Variants in KIAA1328 observed in about 807,000 individuals in gnomAD.
KIAA1328 encodes KIAA1328.
Under a neutral mutation model 68.1 loss-of-function variants are expected in KIAA1328, and 52 were observed. The observed-to-expected ratio is 0.76, with a 90% CI of 0.61 to 0.96. The LOEUF (loss-of-function observed/expected upper bound fraction) is 0.96, where lower values mean the gene tolerates loss of function less well. Among genes scored for constraint, KIAA1328 ranks in the 40% least tolerant of loss-of-function variants. The pLI is 0.00. For missense variants in KIAA1328, 641 were observed against 677.6 expected, an observed-to-expected ratio of 0.95 and a Z score of 0.60; for synonymous variants, 232 against 239.4, an observed-to-expected ratio of 0.97 and a Z score of 0.28.
chr18:36,951,694 C>T (rs1305273071), intron 5 of KIAA1328, among the ~76,000 whole-genome samples: 1 of 152,136 alleles, frequency 6.6e-6, no homozygotes, highest in African/African-American at 2.4e-5. Flanking sequence ...CTCCCCAGAT[C>T]TTTTCTTTAT....
chr18:36,841,284 A>G (rs1568062906), intron 3 of KIAA1328, among the ~76,000 whole-genome samples: 2 of 151,912 alleles, frequency 1.3e-5, no homozygotes, highest in Non-Finnish European at 2.9e-5. Context: ...TAAGCCTACT[A>G]TTCATCAGGA....
At chr18:36,909,980 G>T (rs1568151724) in intron 5 of KIAA1328, among the ~76,000 whole-genome samples, 1 of 151,790 alleles carries the variant, frequency 6.6e-6, no homozygotes. Flanking sequence ...TGATGGGGTT[G>T]TTTTTTTTGT....
intron 5 of KIAA1328, among the ~76,000 whole-genome samples, chr18:36,910,639 GTTTTTTCTAA>G (rs2049406707): frequency 6.6e-6 from 1 of 152,126 alleles, no homozygotes; most frequent in Non-Finnish European, 1.5e-5. Context: ...CTTTAAAGTA[GTTTTTTCTAA>G]TTCTGTGAAG....
chr18:36,998,219 C>T (rs2053465377), intron 6 of KIAA1328, among the ~76,000 whole-genome samples: 1 of 152,194 alleles, frequency 6.6e-6, no homozygotes, highest in Non-Finnish European at 1.5e-5. Context: ...CAGCCAAGCA[C>T]TGCTCCTAGA....
intron 7 of KIAA1328, among the ~76,000 whole-genome samples, chr18:37,131,547 A>G (rs886211561): frequency 1.2e-4 from 18 of 152,196 alleles, no homozygotes; most frequent in Non-Finnish European, 1.9e-4. Context: ...CGTCTACCCA[A>G]TAAACAACCC....
chr18:36,957,246 C>G (rs113354041), intron 5 of KIAA1328, among the ~76,000 whole-genome samples: 5 of 152,108 alleles, frequency 3.3e-5, no homozygotes, highest in Non-Finnish European at 4.4e-5. Context: ...ACTAATATTT[C>G]GACCCTTAAT....
chr18:37,126,926 G>A (rs1243618362), intron 7 of KIAA1328, among the ~76,000 whole-genome samples: 2 of 152,098 alleles, frequency 1.3e-5, no homozygotes, highest in African/African-American at 4.8e-5. Flanking sequence ...TAATAGAAGG[G>A]AACTTCCTCA....
At chr18:37,154,128 A>G (rs1476353126) in intron 7 of KIAA1328, among the ~76,000 whole-genome samples, 1 of 152,136 alleles carries the variant, frequency 6.6e-6, no homozygotes, top group Non-Finnish European at 1.5e-5. Context: ...TTTCAATCCT[A>G]TCTGAACATT....
chr18:36,832,519 G>A (rs1411544828), intron 1 of KIAA1328, among the ~76,000 whole-genome samples: 2 of 150,956 alleles, frequency 1.3e-5, no homozygotes, highest in Non-Finnish European at 3.0e-5. Flanking sequence ...CCTAGGAGGT[G>A]GAGGTTGCAG....
chr18:37,033,509 A>G lies in KIAA1328; in HGVS notation c.577-33381A>G, dbSNP rs567995425. 6.6e-5 allele frequency among the ~76,000 whole-genome samples: 10 copies of G among 152,320 alleles called. No homozygotes were observed. The South Asian group carries it at 2.1e-3, about 32-fold the overall frequency. ...GCTTAGCTCTTTCTGGTTTCTCAGT[A>G]AGATCGAGTGTCCTGGGATCAACCA... is the stretch of plus-strand genomic sequence containing the variant. On this transcript the variant is annotated intron_variant, in intron 6 of 9. Coordinates refer to ENST00000280020, the MANE Select transcript of KIAA1328 (RefSeq NM_020776.3).
chr18:36,945,638 A>G (rs541063225), intron 5 of KIAA1328, among the ~76,000 whole-genome samples: 57 of 152,346 alleles, frequency 3.7e-4, no homozygotes, highest in Non-Finnish European at 4.3e-4. Flanking sequence ...TTCATACTAC[A>G]TTACAGAGTA....
chr18:37,157,755 C>G (rs1229869662), intron 7 of KIAA1328, among the ~76,000 whole-genome samples: 1 of 126,670 alleles, frequency 7.9e-6, no homozygotes, highest in African/African-American at 3.0e-5. Context: ...TTGTGGTGAG[C>G]AAAGACTGCG....
intron 6 of KIAA1328, among the ~76,000 whole-genome samples, chr18:37,053,652 T>C (rs2055791657): frequency 6.6e-6 from 1 of 152,148 alleles, no homozygotes; most frequent in South Asian, 2.1e-4. Flanking sequence ...CAGTTCCACA[T>C]GGCTTGGTAG....
At chr18:37,118,588 A>C (rs1486263715) in intron 7 of KIAA1328, among the ~76,000 whole-genome samples, 1 of 152,184 alleles carries the variant, frequency 6.6e-6, no homozygotes, top group East Asian at 1.9e-4. Context: ...CTAGCAGTAT[A>C]GTACCCTCTT....
chr18:36,954,846 C>T (rs955350006), intron 5 of KIAA1328, among the ~76,000 whole-genome samples: 1 of 151,526 alleles, frequency 6.6e-6, no homozygotes, highest in African/African-American at 2.4e-5. Flanking sequence ...AGGCGCCCAC[C>T]ACCATGCCTG....
intron 6 of KIAA1328, among the ~76,000 whole-genome samples, chr18:36,970,626 G>T (rs1259955125): frequency 1.3e-5 from 2 of 152,150 alleles, no homozygotes; most frequent in Non-Finnish European, 2.9e-5. Flanking sequence ...CAAAATCAGT[G>T]TGCAAAATTC....
intron 7 of KIAA1328, among the ~76,000 whole-genome samples, chr18:37,119,893 C>T (rs1420585098): frequency 6.6e-6 from 1 of 152,094 alleles, no homozygotes; most frequent in East Asian, 1.9e-4. Context: ...TTTCTAAATA[C>T]CATTCTCCAA....
intron 5 of KIAA1328, among the ~76,000 whole-genome samples, chr18:36,927,435 T>A (rs2050158875): frequency 6.6e-6 from 1 of 152,188 alleles, no homozygotes; most frequent in Admixed American, 6.5e-5. Context: ...TTGATATGAT[T>A]ATTTTCACTG....
At chr18:37,115,910 A>G (rs947610171) in intron 7 of KIAA1328, among the ~76,000 whole-genome samples, 8 of 152,202 alleles carry the variant, frequency 5.3e-5, no homozygotes, top group East Asian at 1.9e-4. Flanking sequence ...CCCATTCACA[A>G]TTGCTTCAAA....
Sources: allele counts gnomAD v4.1 joint callset (sites outside exome capture counted in the v4.1 genomes callset), GRCh38; gene constraint gnomAD v4.1.1; transcripts MANE v1.5; gene names NCBI Gene and HGNC (gene_info 2026-07-23, HGNC 2026-07-21).